Variants in ATP2B2 observed in about 807,000 individuals in gnomAD.
The protein encoded by ATP2B2 is ATPase plasma membrane Ca2+ transporting 2.
A neutral mutation model predicts 120.0 loss-of-function variants in ATP2B2; 15 were observed. The observed-to-expected ratio is 0.12, with a 90% CI of 0.08 to 0.19. ATP2B2 has a LOEUF of 0.19. Among genes scored for constraint, ATP2B2 ranks in the 10% least tolerant of loss-of-function variants. The pLI is 1.00. For missense variants in ATP2B2, 1,045 were observed against 1,719.8 expected (o/e 0.61, Z 6.94); for synonymous variants, 694 against 700.3 (o/e 0.99, Z 0.14).
intron 1 of ATP2B2, among the ~76,000 whole-genome samples, chr3:10,697,732 C>T (rs2071761180): frequency 6.6e-6 from 1 of 152,222 alleles, no homozygotes; most frequent in Admixed American, 6.5e-5. Context: ...CAAAGCCATT[C>T]CTATGCTCTC....
At chr3:10,597,562 A>G (rs924949409) in intron 2 of ATP2B2, among the ~76,000 whole-genome samples, 8 of 152,168 alleles carry the variant, frequency 5.3e-5, no homozygotes, top group Non-Finnish European at 7.3e-5. Context: ...GCCATCCCCA[A>G]ATATTTGCCA....
intron 2 of ATP2B2, among the ~76,000 whole-genome samples, chr3:10,587,788 A>G (rs1337794269): frequency 1.3e-5 from 2 of 152,008 alleles, no homozygotes; most frequent in Non-Finnish European, 2.9e-5. Context: ...TCTCACTGTC[A>G]TGCTCTTAGT....
chr3:10,542,862 G>T (rs1255017599), intron 2 of ATP2B2, among the ~76,000 whole-genome samples: 1 of 152,104 alleles, frequency 6.6e-6, no homozygotes, highest in African/African-American at 2.4e-5. Context: ...GAATCTGTAG[G>T]GTTGGTTTGT....
chr3:10,599,085 C>A (rs986762859), intron 2 of ATP2B2, among the ~76,000 whole-genome samples: 1 of 152,198 alleles, frequency 6.6e-6, no homozygotes, highest in Non-Finnish European at 1.5e-5. Context: ...CCAGGGGGAG[C>A]GGAAGCAAGC....
At chr3:10,448,303 A>G (rs1249554356) in intron 2 of ATP2B2, among the ~76,000 whole-genome samples, 1 of 152,228 alleles carries the variant, frequency 6.6e-6, no homozygotes, top group Non-Finnish European at 1.5e-5. Context: ...ATTGTCAGGT[A>G]GGCATTGGCC....
intron 1 of ATP2B2, among the ~76,000 whole-genome samples, chr3:10,471,006 G>A (rs1335013456): frequency 1.3e-5 from 2 of 152,226 alleles, no homozygotes; most frequent in African/African-American, 4.8e-5. Flanking sequence ...GGGCCTGGGG[G>A]GCCCTGCGGC....
Position 10,327,028 on chromosome 3 carries a change from T to C in ATP2B2, c.*1786A>G, listed in dbSNP as rs1331011609. 2.5e-6 allele frequency: 1 copy of C among 397,120 alleles called. No individual in the cohort carries two copies. Among genetic ancestry groups the C allele is most frequent in the Non-Finnish European group, 4.4e-6 (1 of 225,490 alleles). 24.6% of individuals were successfully genotyped at this position (397,120 alleles called of 1,614,324 possible). On this transcript the variant is annotated 3_prime_UTR_variant, in exon 23 of 23. Coordinates refer to ENST00000360273, the MANE Select transcript of ATP2B2 (RefSeq NM_001001331.4). ...GCATGGGACATCATCGATCATGGTA[T>C]TCAAAATGTCTTTTGCACTGTACAA...
chr3:10,374,753 A>AGC (rs1262356485), intron 11 of ATP2B2, among the ~76,000 whole-genome samples: 1 of 152,148 alleles, frequency 6.6e-6, no homozygotes, highest in East Asian at 1.9e-4. Context: ...CCATCAGGGT[A>AGC]GCGCTTAGAA....
Position 10,340,831 on chromosome 3 carries a change from G to T in ATP2B2, c.2918-127C>A. ...ATCCCCAAGACATCAAGGCATGCTT[G>T]GACAGTGGGGGGCCAGGGCTGTGCT... On this transcript the variant is annotated intron_variant, in intron 19 of 22. Coordinates refer to ENST00000360273, the MANE Select transcript of ATP2B2 (RefSeq NM_001001331.4). This position sits in a 1 kb window ranked among gnomAD's most constrained non-coding sequence, Gnocchi z 5.0. 1 of 922,240 alleles carries T rather than the reference G, an allele frequency of 1.1e-6. No homozygotes were observed. The highest frequency in any genetic ancestry group is 1.7e-6 in the Non-Finnish European group (1 of 581,456). 57.1% of individuals were successfully genotyped at this position (922,240 alleles called of 1,614,324 possible).
chr3:10,360,933 T>C (rs2060880487), intron 12 of ATP2B2, among the ~76,000 whole-genome samples: 1 of 152,190 alleles, frequency 6.6e-6, no homozygotes. Context: ...CCCGACTCCC[T>C]GGCCATGGCA....
At chr3:10,506,455 TGA>T (rs940368257), upstream of ATP2B2, among the ~76,000 whole-genome samples, 21 of 152,142 alleles carry the variant, frequency 1.4e-4, no homozygotes, top group African/African-American at 4.8e-4. Flanking sequence ...GGACCCCGGG[TGA>T]GGAGTCGGTA....
At chr3:10,660,200 G>C (rs1283026842) in intron 1 of ATP2B2, among the ~76,000 whole-genome samples, 1 of 152,136 alleles carries the variant, frequency 6.6e-6, no homozygotes, top group Admixed American at 6.5e-5. Context: ...AGAGAAGCAA[G>C]AGCAAACACA....
intron 1 of ATP2B2, among the ~76,000 whole-genome samples, chr3:10,695,598 A>C (rs1356226748): frequency 2.0e-5 from 3 of 152,162 alleles, no homozygotes; most frequent in Non-Finnish European, 4.4e-5. Flanking sequence ...GAGAGTTGTC[A>C]CAACTGAGGT....
At chr3:10,683,438 T>C (rs1173341057) in intron 1 of ATP2B2, among the ~76,000 whole-genome samples, 2 of 152,034 alleles carry the variant, frequency 1.3e-5, no homozygotes, top group Non-Finnish European at 2.9e-5. Flanking sequence ...TTCATGGTAC[T>C]ACTCATTCTT....
chr3:10,453,059 A>G (rs1020487192), intron 1 of ATP2B2, among the ~76,000 whole-genome samples: 4 of 152,218 alleles, frequency 2.6e-5, no homozygotes, highest in Non-Finnish European at 5.9e-5. Context: ...ATAAGCATTT[A>G]TTGAGTGCTT....
chr3:10,460,376 A>T (rs1007861536), intron 1 of ATP2B2, among the ~76,000 whole-genome samples: 6 of 152,184 alleles, frequency 3.9e-5, no homozygotes, highest in African/African-American at 1.2e-4. Context: ...GGTGTTAAGG[A>T]CAACATGTGA....
rs755895819 is a variant in ATP2B2 at position 10,621,895 on chromosome 3, C to T, written c.-459-1934G>A. Reference sequence around the variant, plus strand: ...TAGCATCGCTGACCAGGCTGTGCTCCCGGGCTGGCCCTGTGCAGAAGCCCA... The same window carrying T: ...TAGCATCGCTGACCAGGCTGTGCTCTCGGGCTGGCCCTGTGCAGAAGCCCA... On this transcript the variant is annotated intron_variant, in intron 1 of 21. Transcript: ENST00000646379. 2.5e-4 allele frequency among the ~76,000 whole-genome samples: 38 copies of T among 152,354 alleles called. 1 individual carries two copies. The highest frequency in any genetic ancestry group is 5.5e-4 in the African/African-American group (23 of 41,584).
chr3:10,380,190 C>T (rs1158712168), intron 8 of ATP2B2, among the ~76,000 whole-genome samples: 1 of 152,222 alleles, frequency 6.6e-6, no homozygotes, highest in Non-Finnish European at 1.5e-5. Flanking sequence ...TGGGAGGCCC[C>T]CACTCCAGCC....
Position 10,386,487 on chromosome 3 carries a change from CT to C in ATP2B2, c.932del (p.Gln311ArgfsTer21). On this transcript the variant is annotated frameshift_variant, in exon 7 of 23. Coordinates refer to ENST00000360273, the MANE Select transcript of ATP2B2 (RefSeq NM_001001331.4). LOFTEE classifies it high-confidence loss of function. ...KKGVKKGDGLQLPAADGAAAS... is the reference protein window; with the variant it reads ...KKGVKKGDGLXLPAADGAAAS... ...GAGGGTGTCTTACTGTACCTGGTAG[CT>C]GAAGGCCATCCCCCTTCTTCACACC... 6.2e-7 allele frequency: 1 copy of C among 1,614,150 alleles called. No homozygotes were observed. Among genetic ancestry groups the C allele is most frequent in the Non-Finnish European group, 8.5e-7 (1 of 1,179,990 alleles).
Sources: allele counts gnomAD v4.1 joint callset (sites outside exome capture counted in the v4.1 genomes callset), GRCh38; gene constraint gnomAD v4.1.1; non-coding constraint Gnocchi (gnomAD v3.1); transcripts MANE v1.5; gene names NCBI Gene and HGNC (gene_info 2026-07-23, HGNC 2026-07-21).